Variants in VSTM1 observed in about 807,000 individuals in gnomAD.
The protein encoded by VSTM1 is V-set and transmembrane domain-containing protein 1.
In VSTM1, 27 loss-of-function variants were observed where a neutral mutation model predicts 33.1. The observed-to-expected ratio is 0.82, with a 90% CI of 0.60 to 1.12. The LOEUF (loss-of-function observed/expected upper bound fraction) is 1.12, where lower values mean the gene tolerates loss of function less well. Among genes scored for constraint, VSTM1 ranks in the 50% most tolerant of loss-of-function variants. The probability of loss-of-function intolerance (pLI) is 0.00; values close to 1 mark genes in which losing one functional copy is unlikely to be tolerated. For missense variants in VSTM1, 304 were observed against 288.9 expected, an observed-to-expected ratio of 1.05 and a Z score of -0.38; for synonymous variants, 115 against 110.3, an observed-to-expected ratio of 1.04 and a Z score of -0.27.
chr19:54,041,340 C>T (rs955012212), intron 8 of VSTM1, among the ~76,000 whole-genome samples: 5 of 151,860 alleles, frequency 3.3e-5, no homozygotes, highest in East Asian at 1.9e-4. Context: ...CTGGCTCTGT[C>T]GCCCAGGCTG....
At chr19:54,056,204 CT>C (rs1568473148) in intron 3 of VSTM1, among the ~76,000 whole-genome samples, 2 of 86,482 alleles carry the variant, frequency 2.3e-5, no homozygotes, top group South Asian at 3.8e-4. Context: ...TCTTTCTTTT[CT>C]TTTCTTTTCT....
Position 54,040,984 on chromosome 19 carries a change from C to G in VSTM1, c.688G>C (p.Glu230Gln). ...TGCTACACTTTCAGTGCCGCATATTCATGAGATCCTGGGGGCTCCTGGGTG... is the reference window on the plus strand; with the variant it reads ...TGCTACACTTTCAGTGCCGCATATTGATGAGATCCTGGGGGCTCCTGGGTG... ...DTTQEPPGSH[E>Q]YAALKV Residue 230 changes from glutamate to glutamine, a missense_variant, in exon 9 of 9, where the codon GAA becomes CAA. Glu to Gln is a conservative substitution (Grantham distance 29). Transcript: ENST00000338372. 6.2e-7 allele frequency: 1 copy of G among 1,610,906 alleles called. No homozygotes were observed. The highest frequency in any genetic ancestry group is 8.5e-7 in the Non-Finnish European group (1 of 1,178,774).
chr19:54,041,056 A>G lies in VSTM1; in HGVS notation c.616T>C (p.Tyr206His). ...LSTADPQGVT[Y>H]AELSTSALSE... Reference sequence around the variant, plus strand: ...AGGGCGCTGGTGCTTAGCTCAGCATAGGTCACTCCTTGGGGGTCTGCCGTC... The same window carrying G: ...AGGGCGCTGGTGCTTAGCTCAGCATGGGTCACTCCTTGGGGGTCTGCCGTC... The change falls in exon 9 of 9, where the codon TAT (tyrosine) becomes CAT (histidine). Residue 206 changes from tyrosine (Y) to histidine (H), a missense_variant. By Grantham distance (83) the Tyr-to-His change is moderately conservative. Coordinates refer to ENST00000338372, the MANE Select transcript of VSTM1 (RefSeq NM_198481.4). 6.3e-7 allele frequency: 1 copy of G among 1,599,972 alleles called. No individual in the cohort carries two copies. The highest frequency in any genetic ancestry group is 8.5e-7 in the Non-Finnish European group (1 of 1,175,338).
chr19:54,054,949 G>A (rs2071020866), intron 3 of VSTM1, among the ~76,000 whole-genome samples: 1 of 131,964 alleles, frequency 7.6e-6, no homozygotes, highest in Non-Finnish European at 1.6e-5. Flanking sequence ...GGGTGGATGG[G>A]TTGGTAGGTG....
At chr19:54,042,841 T>TAA (rs1396173162) in intron 4 of VSTM1, among the ~76,000 whole-genome samples, 1 of 96,424 alleles carries the variant, frequency 1.0e-5, no homozygotes, top group Non-Finnish European at 2.2e-5. Context: ...TATATATACA[T>TAA]ATATATATAT....
rs530293245 is a variant in VSTM1, at chr19:54,053,057, A to G, written c.356-1609T>C. 137 of 149,330 alleles carry G rather than the reference A, an allele frequency of 9.2e-4. 16 individuals are homozygous for G. The highest frequency in any genetic ancestry group is 1.7e-3 in the Non-Finnish European group (118 of 68,762). The allele number at this position is 149,330 out of a possible 1,614,324, so 9.3% of individuals were successfully genotyped here. Reference sequence around the variant, plus strand: ...TAAAATCATGCCATCCTCCAGCTCAACTTCATCAGTGGGTTCCTGTTCTTT... The same window carrying G: ...TAAAATCATGCCATCCTCCAGCTCAGCTTCATCAGTGGGTTCCTGTTCTTT... On this transcript the variant is annotated intron_variant, in intron 3 of 8. Coordinates refer to ENST00000338372, the MANE Select transcript of VSTM1 (RefSeq NM_198481.4).
chr19:54,042,639 C>T lies in VSTM1; in HGVS notation c.395-270G>A, dbSNP rs148995267. Among the ~76,000 whole-genome samples, 1,078 of 151,032 alleles carry T rather than the reference C, an allele frequency of 7.1e-3. 16 individuals are homozygous for T. Among genetic ancestry groups the T allele is most frequent in the Non-Finnish European group, 8.7e-3 (589 of 67,810 alleles). On this transcript the variant is annotated intron_variant, in intron 4 of 8. Coordinates refer to ENST00000338372, the MANE Select transcript of VSTM1 (RefSeq NM_198481.4). ...TAGAAAGGGCTGGAACAGTGCTTGGCGCATAGGAAATTCCAAAAATTCCCA... is the reference window on the plus strand; with the variant it reads ...TAGAAAGGGCTGGAACAGTGCTTGGTGCATAGGAAATTCCAAAAATTCCCA...
In VSTM1 at chr19:54,042,188, A is replaced by C. The variant is rs779530358; in HGVS notation, c.496T>G (p.Ser166Ala). 2 of 1,613,926 alleles carry C rather than the reference A, an allele frequency of 1.2e-6. No homozygotes were observed. Among genetic ancestry groups the C allele is most frequent in the African/African-American group, 2.7e-5 (2 of 74,868 alleles). The change falls in exon 6 of 9, where the codon TCT (serine) becomes GCT (alanine). Residue 166 changes from serine (S) to alanine (A), a missense_variant. By Grantham distance (99) the Ser-to-Ala change is moderately conservative (BLOSUM62 1). Coordinates refer to ENST00000338372, the MANE Select transcript of VSTM1 (RefSeq NM_198481.4). ...IYRCSQHSSS[S>A]EESTKRTSHS... Reference sequence around the variant, plus strand: ...ATCTACCTCTTGGTGGATTCCTCAGATGATGAACCTACAAAAAATGCAGGA... The same window carrying C: ...ATCTACCTCTTGGTGGATTCCTCAGCTGATGAACCTACAAAAAATGCAGGA...
chr19:54,042,500 G>C, intron 4 of VSTM1, 131 bp from the exon 5 acceptor site: 2 of 1,339,758 alleles, frequency 1.5e-6, no homozygotes, highest in South Asian at 1.5e-5. Flanking sequence ...CTCGGAGCTG[G>C]AACTTCCTAT....
intron 4 of VSTM1, among the ~76,000 whole-genome samples, chr19:54,049,149 G>A (rs566385623): frequency 5.9e-5 from 9 of 152,256 alleles, no homozygotes; most frequent in East Asian, 1.9e-4. Flanking sequence ...CATACAATAC[G>A]ATGCTTTTCA....
rs911909373 is a variant in VSTM1 at position 54,054,103 on chromosome 19, A to G, written c.356-2655T>C. On this transcript the variant is annotated intron_variant, in intron 3 of 8. Transcript: ENST00000338372. The stretch of plus-strand genomic sequence containing the variant: ...ATAAAAAAGTAAAAAGTAGTATAAT[A>G]AAGTGATTTGCAAAGCAGCAAACAG... Among the ~76,000 whole-genome samples the G allele has an allele frequency of 5.6e-5, 8 of 142,052 alleles. 2 individuals are homozygous for G. The highest frequency in any genetic ancestry group is 1.5e-4 in the Admixed American group (2 of 13,776). The allele number at this position is 142,052 out of a possible 152,430, so 93.2% of individuals were successfully genotyped here. A position where few individuals can be genotyped will look rare whatever the true frequency, so the allele number is the denominator to read the frequency against.
intron 4 of VSTM1, among the ~76,000 whole-genome samples, chr19:54,046,193 A>G (rs575692508): frequency 3.6e-4 from 55 of 152,226 alleles, no homozygotes; most frequent in Non-Finnish European, 4.7e-4. Context: ...CTACTTGCCT[A>G]TTATCTATCA....
chr19:54,040,999 G>A lies in VSTM1; in HGVS notation c.673C>T (p.Pro225Ser), dbSNP rs768807930. The A allele has an allele frequency of 3.1e-6, 5 of 1,610,358 alleles. No individual in the cohort carries two copies. Among genetic ancestry groups the A allele is most frequent in the Non-Finnish European group, 4.2e-6 (5 of 1,178,712 alleles). The change falls in exon 9 of 9, where the codon CCC (proline) becomes TCC (serine). Residue 225 changes from proline to serine, a missense_variant. Pro to Ser is a moderately conservative substitution (Grantham distance 74). Coordinates refer to ENST00000338372, the MANE Select transcript of VSTM1 (RefSeq NM_198481.4). ...GCCGCATATTCATGAGATCCTGGGG[G>A]CTCCTGGGTGGTGTCTGAAGCTGCC... ...SEAASDTTQEPPGSHEYAALK... is the reference protein window; with the variant it reads ...SEAASDTTQESPGSHEYAALK...
chr19:54,057,870 C>T (rs879951314), intron 3 of VSTM1, among the ~76,000 whole-genome samples: 3 of 150,968 alleles, frequency 2.0e-5, no homozygotes, highest in African/African-American at 7.3e-5. Context: ...TTTGGGAGGC[C>T]GAGGCAGATG....
At chr19:54,042,680 A>G (rs2070350585) in intron 4 of VSTM1, among the ~76,000 whole-genome samples, 1 of 150,932 alleles carries the variant, frequency 6.6e-6, no homozygotes, top group Non-Finnish European at 1.5e-5. Flanking sequence ...TGTTTGGTGC[A>G]TAGCAATGAT....
chr19:54,042,607 G>A (rs1163760329), intron 4 of VSTM1, among the ~76,000 whole-genome samples: 8 of 151,592 alleles, frequency 5.3e-5, no homozygotes, highest in Admixed American at 3.3e-4. Flanking sequence ...TGGTGGGTCA[G>A]TACCTATAGA....
At chr19:54,042,930 C>A (rs763244997) in intron 4 of VSTM1, among the ~76,000 whole-genome samples, 27 of 148,312 alleles carry the variant, frequency 1.8e-4, no homozygotes, top group Non-Finnish European at 3.4e-4. Context: ...TCACTGCAAC[C>A]TCCACCTCCC....
At chr19:54,057,044 T>A (rs1468048168) in intron 3 of VSTM1, among the ~76,000 whole-genome samples, 1 of 139,062 alleles carries the variant, frequency 7.2e-6, no homozygotes, top group African/African-American at 2.7e-5. Flanking sequence ...TAAGTAGAGG[T>A]GAGGTTTCAC....
At chr19:54,047,455 G>T (rs114827341) in intron 4 of VSTM1, among the ~76,000 whole-genome samples, 7 of 151,880 alleles carry the variant, frequency 4.6e-5, no homozygotes, top group Admixed American at 2.6e-4. Flanking sequence ...ACCTCACCCC[G>T]CTAATTTTTT....
Sources: gnomAD v4.1 joint callset for allele counts (sites outside exome capture counted in the v4.1 genomes callset) on GRCh38, gnomAD v4.1.1 for gene constraint, MANE v1.5 for transcripts, NCBI Gene and HGNC (gene_info 2026-07-23, HGNC 2026-07-21) for gene names.